Variants in PTPRD observed in about 807,000 individuals in gnomAD.
PTPRD encodes receptor-type tyrosine-protein phosphatase delta.
PTPRD carries 34 observed loss-of-function variants against 214.5 expected under a neutral mutation model. The ratio of observed to expected loss-of-function variants is 0.16; its 90% CI spans 0.12 to 0.21. The LOEUF is 0.21. PTPRD is among the 10% of genes least tolerant of loss of function. PTPRD has a pLI of 1.00. For missense variants in PTPRD, 2,545 were observed against 2,398.7 expected, an observed-to-expected ratio of 1.06 and a Z score of -1.27; for synonymous variants, 1,128 against 845.7, an observed-to-expected ratio of 1.33 and a Z score of -5.79.
intron 9 of PTPRD, among the ~76,000 whole-genome samples, chr9:9,348,149 G>A (rs2049636363): frequency 1.3e-5 from 2 of 152,102 alleles, no homozygotes; most frequent in Admixed American, 1.3e-4. Flanking sequence ...TAGCATATTT[G>A]AATTTGATTT....
At chr9:9,541,885 A>G (rs1159432254) in intron 8 of PTPRD, among the ~76,000 whole-genome samples, 1 of 151,788 alleles carries the variant, frequency 6.6e-6, no homozygotes, top group Non-Finnish European at 1.5e-5. Flanking sequence ...TGGGTGGGGA[A>G]GAGAGGTATC....
rs573313094 is a variant in PTPRD, at chr9:8,663,542, G to T, written c.65-26698C>A. Among the ~76,000 whole-genome samples the T allele has an allele frequency of 2.9e-4, 44 of 152,202 alleles. 1 individual carries two copies. Among genetic ancestry groups the T allele is most frequent in the Admixed American group, 2.6e-3 (39 of 15,280 alleles). On this transcript the variant is annotated intron_variant, in intron 12 of 45. Transcript: ENST00000381196. Reference sequence around the variant, plus strand: ...GTCTCACTCTGTTGCCCAGGCTGGAGTGCAGTGGTGCGATCTTGGCTCACT... The same window carrying T: ...GTCTCACTCTGTTGCCCAGGCTGGATTGCAGTGGTGCGATCTTGGCTCACT...
At chr9:10,243,857 T>C (rs1269354105) in intron 3 of PTPRD, among the ~76,000 whole-genome samples, 1 of 152,018 alleles carries the variant, frequency 6.6e-6, no homozygotes, top group African/African-American at 2.4e-5. Context: ...TCATATTTTA[T>C]GTCCTGGATT....
At chr9:8,874,819 G>A (rs946736670) in intron 11 of PTPRD, among the ~76,000 whole-genome samples, 11 of 152,300 alleles carry the variant, frequency 7.2e-5, no homozygotes, top group South Asian at 4.1e-4. Flanking sequence ...ACCACCATGC[G>A]GAGCCTGGCT....
At chr9:8,965,326 G>A (rs1588998857) in intron 11 of PTPRD, among the ~76,000 whole-genome samples, 1 of 151,450 alleles carries the variant, frequency 6.6e-6, no homozygotes, top group African/African-American at 2.4e-5. Context: ...GTTGCAGTGA[G>A]CTGAGATCGT....
chr9:10,509,199 T>G (rs2047114086), intron 2 of PTPRD, among the ~76,000 whole-genome samples: 1 of 152,102 alleles, frequency 6.6e-6, no homozygotes, highest in Non-Finnish European at 1.5e-5. Flanking sequence ...TGCAACTCCA[T>G]ATTAAAAATC....
At chr9:9,050,814 T>C (rs979922766) in intron 10 of PTPRD, among the ~76,000 whole-genome samples, 1 of 152,158 alleles carries the variant, frequency 6.6e-6, no homozygotes, top group Non-Finnish European at 1.5e-5. Context: ...TTATTATCAT[T>C]TATTATTGTT....
chr9:8,404,295 G>C (rs1043268033), intron 36 of PTPRD, among the ~76,000 whole-genome samples: 1 of 151,812 alleles, frequency 6.6e-6, no homozygotes, highest in African/African-American at 2.4e-5. Flanking sequence ...TGCCCGGCTA[G>C]TTTTTGTATT....
In PTPRD at chr9:9,781,270, G is replaced by A. The variant is rs557177833; in HGVS notation, c.-367-14419C>T. Among the ~76,000 whole-genome samples the A allele has an allele frequency of 3.3e-4, 50 of 152,248 alleles. No individual in the cohort carries two copies. In the South Asian group the frequency reaches 3.9e-3, roughly 12 times the overall value. The stretch of plus-strand genomic sequence containing the variant: ...GTCAATAATGGGTTTAACTGACAGT[G>A]GGAAGAGGGAATTCCTTGTTATAAA... On this transcript the variant is annotated intron_variant, in intron 5 of 45. Transcript: ENST00000381196.
intron 12 of PTPRD, among the ~76,000 whole-genome samples, chr9:8,674,410 A>G (rs548741151): frequency 6.0e-4 from 76 of 126,052 alleles, no homozygotes; most frequent in Non-Finnish European, 1.1e-3. Context: ...GTGAGCCGGG[A>G]TCGCGCCACT....
chr9:9,740,324 T>C (rs1218997599), intron 6 of PTPRD, among the ~76,000 whole-genome samples: 1 of 152,058 alleles, frequency 6.6e-6, no homozygotes, highest in Admixed American at 6.6e-5. Flanking sequence ...CAACAGATAC[T>C]ATTATGAAGT....
At chr9:9,697,206 G>T (rs1261766024) in intron 7 of PTPRD, among the ~76,000 whole-genome samples, 1 of 151,964 alleles carries the variant, frequency 6.6e-6, no homozygotes, top group Non-Finnish European at 1.5e-5. Flanking sequence ...GTTATAAGTG[G>T]ATTGCAAATC....
chr9:10,285,329 T>A (rs1035849210), intron 3 of PTPRD, among the ~76,000 whole-genome samples: 1 of 152,184 alleles, frequency 6.6e-6, no homozygotes, highest in African/African-American at 2.4e-5. Context: ...TTTTTATTTA[T>A]TTTTCTTTTA....
At chr9:9,849,388 C>T (rs1488234049) in intron 5 of PTPRD, among the ~76,000 whole-genome samples, 1 of 152,102 alleles carries the variant, frequency 6.6e-6, no homozygotes, top group African/African-American at 2.4e-5. Context: ...TATCAATGCT[C>T]TCTTTCAGTT....
intron 39 of PTPRD, among the ~76,000 whole-genome samples, chr9:8,360,633 A>G (rs2078238781): frequency 6.6e-6 from 1 of 152,200 alleles, no homozygotes; most frequent in South Asian, 2.1e-4. Flanking sequence ...AAGTTGTAAT[A>G]AATATTTACT....
At chr9:10,158,965 A>C (rs549142740) in intron 3 of PTPRD, among the ~76,000 whole-genome samples, 3 of 152,104 alleles carry the variant, frequency 2.0e-5, no homozygotes, top group South Asian at 4.1e-4. Context: ...AGGAGACCCC[A>C]AGTCAGAGTG....
intron 5 of PTPRD, among the ~76,000 whole-genome samples, chr9:9,888,554 C>T (rs2071887172): frequency 6.6e-6 from 1 of 152,040 alleles, no homozygotes; most frequent in Non-Finnish European, 1.5e-5. Flanking sequence ...TGAACGAGCT[C>T]CTGGGAGAGC....
rs148907859 is a variant in PTPRD, at chr9:9,430,627, G to T, written c.-236-33145C>A. ...CTAAGCCAAAAGAACAAAGCTGGAGGCACCAGACTACCTGACTTCAAACTA... is the reference window on the plus strand; with the variant it reads ...CTAAGCCAAAAGAACAAAGCTGGAGTCACCAGACTACCTGACTTCAAACTA... On this transcript the variant is annotated intron_variant, in intron 8 of 45. Transcript: ENST00000381196. 6.0e-3 allele frequency among the ~76,000 whole-genome samples: 920 copies of T among 152,252 alleles called. 6 individuals carry two copies. The highest frequency in any genetic ancestry group is 0.02 in the African/African-American group (825 of 41,534).
chr9:8,950,075 C>G (rs2099093290), intron 11 of PTPRD, among the ~76,000 whole-genome samples: 1 of 152,074 alleles, frequency 6.6e-6, no homozygotes, highest in African/African-American at 2.4e-5. Context: ...ATTGGAATGT[C>G]TATTTTACAA....
Sources: gnomAD v4.1 joint callset for allele counts (sites outside exome capture counted in the v4.1 genomes callset) on GRCh38, gnomAD v4.1.1 for gene constraint, MANE v1.5 for transcripts, NCBI Gene and HGNC (gene_info 2026-07-23, HGNC 2026-07-21) for gene names.